CUL5: variants seen among roughly 807,000 people sequenced by gnomAD.
The protein encoded by CUL5 is cullin 5.
A neutral mutation model predicts 108.8 loss-of-function variants in CUL5; 26 were observed. That is an observed-to-expected ratio of 0.24 (90% CI 0.18 to 0.33). The LOEUF is 0.33. Among genes scored for constraint, CUL5 ranks in the 10% least tolerant of loss-of-function variants. The pLI is 1.00. For synonymous variants in CUL5, 334 were observed against 298.0 expected, an observed-to-expected ratio of 1.12 and a Z score of -1.25; for missense variants, 524 against 909.2, an observed-to-expected ratio of 0.58 and a Z score of 5.45.
Position 108,054,733 on chromosome 11 carries a change from T to C in CUL5, c.640T>C (p.Tyr214His). ...ATACTTGGATTCAACAGAGAGATTT[T>C]ATAGAACACAAGCACCCTCGTATTT... is the stretch of plus-strand genomic sequence containing the variant. ...KAYLDSTERF[Y>H]RTQAPSYLQQ... The change falls in exon 6 of 19, where the codon TAT becomes CAT. Residue 214 changes from tyrosine (Y) to histidine (H), a missense_variant. Coordinates refer to ENST00000393094, the MANE Select transcript of CUL5 (RefSeq NM_003478.6). 2 of 1,611,846 alleles carry C rather than the reference T, an allele frequency of 1.2e-6. No homozygotes were observed. Among genetic ancestry groups the C allele is most frequent in the Non-Finnish European group, 1.7e-6 (2 of 1,178,424 alleles).
At chr11:108,041,253 A>T (rs1862900581) in intron 2 of CUL5, among the ~76,000 whole-genome samples, 1 of 151,304 alleles carries the variant, frequency 6.6e-6, no homozygotes, top group African/African-American at 2.4e-5. Context: ...TTATATTAAT[A>T]ATCTCATTAG....
chr11:108,097,455 A>G (rs1318722897), intron 16 of CUL5, among the ~76,000 whole-genome samples, 181 bp from the exon 17 acceptor site: 1 of 152,116 alleles, frequency 6.6e-6, no homozygotes, highest in Non-Finnish European at 1.5e-5. Context: ...TCTCATAACC[A>G]ACTCTTTTCA....
At chr11:108,022,168 A>G (rs1862342765) in intron 1 of CUL5, among the ~76,000 whole-genome samples, 2 of 152,160 alleles carry the variant, frequency 1.3e-5, no homozygotes, top group Admixed American at 1.3e-4. Flanking sequence ...AAATATTGCC[A>G]TAATATTGTT....
intron 11 of CUL5, among the ~76,000 whole-genome samples, chr11:108,080,890 A>G (rs1243666911): frequency 6.6e-6 from 1 of 151,524 alleles, no homozygotes; most frequent in African/African-American, 2.4e-5. Flanking sequence ...CAGTTTACCT[A>G]TTTTTTTCTT....
chr11:108,020,336 G>C (rs1862297833), intron 1 of CUL5, among the ~76,000 whole-genome samples: 1 of 152,186 alleles, frequency 6.6e-6, no homozygotes, highest in Non-Finnish European at 1.5e-5. Flanking sequence ...CGTTCCCGAA[G>C]ACTTTCCAGT....
At chr11:108,072,840 TAAA>T (rs1863857892) in intron 9 of CUL5, among the ~76,000 whole-genome samples, 1 of 152,098 alleles carries the variant, frequency 6.6e-6, no homozygotes, top group Non-Finnish European at 1.5e-5. Flanking sequence ...TGATTACAAA[TAAA>T]AACATTAAAT....
At chr11:108,009,745 A>G (rs1462847966) in intron 1 of CUL5, among the ~76,000 whole-genome samples, 1 of 152,166 alleles carries the variant, frequency 6.6e-6, no homozygotes, top group Non-Finnish European at 1.5e-5. Context: ...AGACGCATCA[A>G]AGGAAAAACC....
intron 11 of CUL5, among the ~76,000 whole-genome samples, chr11:108,088,278 A>G (rs1864270837): frequency 6.6e-6 from 1 of 152,206 alleles, no homozygotes; most frequent in South Asian, 2.1e-4. Flanking sequence ...GCAAGAAGGC[A>G]CCTAGAGTGC....
intron 11 of CUL5, among the ~76,000 whole-genome samples, chr11:108,082,433 A>C (rs1284017181): frequency 6.6e-6 from 1 of 151,778 alleles, no homozygotes; most frequent in Non-Finnish European, 1.5e-5. Flanking sequence ...GGTTCAGGCC[A>C]CCACACCTGG....
chr11:108,075,296 G>A (rs1044452340), intron 10 of CUL5, among the ~76,000 whole-genome samples: 5 of 151,902 alleles, frequency 3.3e-5, no homozygotes, highest in African/African-American at 1.2e-4. Flanking sequence ...ACTTAATTCT[G>A]CAAGGAAACT....
At chr11:108,095,036 T>G (rs759495447) in intron 15 of CUL5, 49 bp downstream of exon 15, 8 of 1,471,482 alleles carry the variant, frequency 5.4e-6, no homozygotes, top group Admixed American at 1.9e-5. Context: ...TGGATGAAAG[T>G]AGCAGGACTC....
At chr11:108,013,001 C>T (rs1862091710) in intron 1 of CUL5, among the ~76,000 whole-genome samples, 1 of 152,160 alleles carries the variant, frequency 6.6e-6, no homozygotes, top group Non-Finnish European at 1.5e-5. Flanking sequence ...ATTCTTTGCC[C>T]TTTAACTTAA....
chr11:108,089,711 A>T, intron 13 of CUL5, 88 bp downstream of exon 13: 1 of 734,710 alleles, frequency 1.4e-6, no homozygotes, highest in Non-Finnish European at 2.0e-6. Flanking sequence ...AGATATTGTT[A>T]ATGTCAAAGA....
At chr11:108,072,638 C>T (rs898145908) in intron 9 of CUL5, among the ~76,000 whole-genome samples, 176 bp downstream of exon 9, 2 of 151,938 alleles carry the variant, frequency 1.3e-5, no homozygotes. Context: ...TGTTCTATTA[C>T]CCATTAGGGC....
At chr11:108,045,434 A>T (rs1412720987) in intron 2 of CUL5, among the ~76,000 whole-genome samples, 2 of 152,142 alleles carry the variant, frequency 1.3e-5, no homozygotes, top group Non-Finnish European at 2.9e-5. Context: ...TCTACCAAAA[A>T]TTTAAAAAAC....
At chr11:108,031,749 A>C (rs568547112) in intron 1 of CUL5, among the ~76,000 whole-genome samples, 2 of 152,286 alleles carry the variant, frequency 1.3e-5, no homozygotes, top group Admixed American at 1.3e-4. Context: ...GTTCACTCTA[A>C]CAAAGACGTG....
intron 2 of CUL5, among the ~76,000 whole-genome samples, chr11:108,043,117 G>C (rs568266104): frequency 6.6e-6 from 1 of 152,320 alleles, no homozygotes; most frequent in South Asian, 2.1e-4. Context: ...CTGTCGCTCA[G>C]GCTGGAGTGC....
At chr11:108,043,758 G>A (rs970486587) in intron 2 of CUL5, among the ~76,000 whole-genome samples, 2 of 152,150 alleles carry the variant, frequency 1.3e-5, no homozygotes, top group African/African-American at 4.8e-5. Flanking sequence ...GTATCTGGCT[G>A]GTGCCTCATG....
intron 7 of CUL5, among the ~76,000 whole-genome samples, chr11:108,065,611 G>T (rs1481570467): frequency 6.6e-6 from 1 of 152,142 alleles, no homozygotes; most frequent in Non-Finnish European, 1.5e-5. Flanking sequence ...TCTCACAGTT[G>T]CTGCTCTCTC....
Sources: gnomAD v4.1 joint callset for allele counts (sites outside exome capture counted in the v4.1 genomes callset) on GRCh38, gnomAD v4.1.1 for gene constraint, MANE v1.5 for transcripts, NCBI Gene and HGNC (gene_info 2026-07-23, HGNC 2026-07-21) for gene names.